The following EMC2 variants were observed in gnomAD, a reference collection of about 807,000 sequenced individuals.
EMC2 encodes TPR repeat protein 35.
Under a neutral mutation model 51.6 loss-of-function variants are expected in EMC2, and 37 were observed. That is an observed-to-expected ratio of 0.72 (90% confidence interval 0.55 to 0.94). EMC2 has a LOEUF of 0.94. Among genes scored for constraint, EMC2 ranks in the 40% least tolerant of loss-of-function variants. The probability of loss-of-function intolerance (pLI) is 0.00; values close to 1 mark genes in which losing one functional copy is unlikely to be tolerated. For missense variants in EMC2, 359 were observed against 350.9 expected (o/e 1.02, Z -0.18); for synonymous variants, 131 against 112.4 (o/e 1.17, Z -1.04).
chr8:108,467,379 C>A (rs754045183), intron 5 of EMC2, among the ~76,000 whole-genome samples: 3 of 151,240 alleles, frequency 2.0e-5, no homozygotes, highest in Non-Finnish European at 2.9e-5. Context: ...GACCGAGTCT[C>A]GCTCTGTCGC....
At chr8:108,474,420 AAC>A (rs1478405955) in intron 7 of EMC2, 1 of 151,974 alleles carries the variant, frequency 6.6e-6, no homozygotes, top group East Asian at 1.9e-4. Flanking sequence ...AGGTAGTCAT[AAC>A]ACATTTGTTT....
intron 1 of EMC2, 84 bp downstream of exon 1, chr8:108,443,782 G>A: frequency 8.2e-7 from 1 of 1,220,558 alleles, no homozygotes; most frequent in East Asian, 2.5e-5. Context: ...GGGGAGCTGG[G>A]TTCTCTGGTG....
In EMC2 at chr8:108,481,674, A is replaced by C. The variant is rs147704391; in HGVS notation, c.807+2564A>C. 2.0e-5 allele frequency among the ~76,000 whole-genome samples: 3 copies of C among 152,224 alleles called. No homozygotes were observed. In the East Asian group the frequency reaches 5.8e-4, roughly 29 times the overall value. On this transcript the variant is annotated intron_variant, in intron 10 of 10. Transcript: ENST00000220853. ...GCCTTTCAGTGACTAATATAAGGTA[A>C]ATGTATCCAGGCTAATAAATATAAA...
chr8:108,462,643 TATC>T (rs541027901), intron 5 of EMC2, among the ~76,000 whole-genome samples: 42 of 152,338 alleles, frequency 2.8e-4, no homozygotes, highest in African/African-American at 8.2e-4. Flanking sequence ...CGTGGTATAT[TATC>T]AGCTTTTTTC....
intron 7 of EMC2, chr8:108,471,005 A>G (rs1284716588): frequency 3.3e-5 from 5 of 152,008 alleles, no homozygotes; most frequent in East Asian, 1.9e-4. Flanking sequence ...GAGGTAGTCT[A>G]TTTGCATAAG....
rs187623392 is a variant in EMC2, at chr8:108,457,848, G to A, written c.363+1918G>A. On this transcript the variant is annotated intron_variant, in intron 5 of 10. Transcript: ENST00000220853. ...CAATCATGCCTTCCCAACAGTCTCC[G>A]AAAGTCTTAACTCATTTCAACATTA... Among the ~76,000 whole-genome samples the A allele has an allele frequency of 7.9e-5, 12 of 152,260 alleles. No individual in the cohort carries two copies. The East Asian group carries it at 1.7e-3, about 22-fold the overall frequency.
chr8:108,448,671 T>G (rs1818938147), intron 1 of EMC2, among the ~76,000 whole-genome samples: 1 of 152,196 alleles, frequency 6.6e-6, no homozygotes, highest in African/African-American at 2.4e-5. Flanking sequence ...CTCTTTCTTT[T>G]GTAAATTGCC....
rs780023538 is a variant in EMC2 at position 108,450,410 on chromosome 8, C to T, written c.155-18C>T. 2.0e-6 allele frequency: 3 copies of T among 1,513,812 alleles called. No homozygotes were observed. Among genetic ancestry groups the T allele is most frequent in the Non-Finnish European group, 2.7e-6 (3 of 1,092,894 alleles). The allele number at this position is 1,513,812 out of a possible 1,614,324, so 93.8% of individuals were successfully genotyped here. A position where few individuals can be genotyped will look rare whatever the true frequency, so the allele number is the denominator to read the frequency against. ...TTAATATTAAATTCAGTTTTTTTCC[C>T]CCTTTATGTGTATCTAGTTTGGATC... is the stretch of plus-strand genomic sequence containing the variant. On this transcript the variant is annotated intron_variant, in intron 2 of 10. Coordinates refer to ENST00000220853, the MANE Select transcript of EMC2 (RefSeq NM_014673.5).
chr8:108,456,950 A>T (rs1220086744), intron 5 of EMC2, among the ~76,000 whole-genome samples: 1 of 152,230 alleles, frequency 6.6e-6, no homozygotes, highest in Non-Finnish European at 1.5e-5. Context: ...TTGTATTAAC[A>T]CAATAAAGAT....
At chr8:108,476,939 T>A in intron 9 of EMC2, 47 bp downstream of exon 9, 1 of 917,842 alleles carries the variant, frequency 1.1e-6, no homozygotes, top group Non-Finnish European at 1.8e-6. Flanking sequence ...ATCTGTCACT[T>A]AAAATCCATT....
At chr8:108,478,457 ATCT>A (rs1473942234) in intron 9 of EMC2, among the ~76,000 whole-genome samples, 2 of 152,038 alleles carry the variant, frequency 1.3e-5, no homozygotes, top group South Asian at 2.1e-4. Context: ...AGAGATAAGG[ATCT>A]TCTTTATTTC....
intron 7 of EMC2, among the ~76,000 whole-genome samples, chr8:108,470,616 A>G (rs888670514): frequency 2.0e-5 from 3 of 152,086 alleles, no homozygotes; most frequent in South Asian, 4.1e-4. Context: ...ATAATCAAGA[A>G]TGTTGAATGC....
At chr8:108,484,544 A>G (rs991108150) in intron 10 of EMC2, among the ~76,000 whole-genome samples, 1 of 152,004 alleles carries the variant, frequency 6.6e-6, no homozygotes, top group South Asian at 2.1e-4. Flanking sequence ...AAAATACTGT[A>G]TTTAAAAATA....
intron 5 of EMC2, among the ~76,000 whole-genome samples, chr8:108,466,695 C>T (rs1184955553): frequency 6.6e-6 from 1 of 152,004 alleles, no homozygotes; most frequent in Non-Finnish European, 1.5e-5. Context: ...TTCAGATGAT[C>T]CTCCCGCTTT....
chr8:108,451,895 A>C (rs532659252), intron 3 of EMC2, among the ~76,000 whole-genome samples: 1 of 152,220 alleles, frequency 6.6e-6, no homozygotes, highest in South Asian at 2.1e-4. Flanking sequence ...AAATGAACAT[A>C]TCTTCACTTT....
chr8:108,471,400 A>G (rs143640361), intron 7 of EMC2, among the ~76,000 whole-genome samples: 165 of 152,008 alleles, frequency 1.1e-3, no homozygotes, highest in African/African-American at 3.9e-3. Context: ...CAAATCAACA[A>G]GGAAATTTTT....
At chr8:108,471,580 C>T (rs1412677498) in intron 7 of EMC2, among the ~76,000 whole-genome samples, 4 of 151,600 alleles carry the variant, frequency 2.6e-5, no homozygotes, top group Admixed American at 6.6e-5. Flanking sequence ...AATTATCTTC[C>T]GTAGTTTATA....
intron 5 of EMC2, among the ~76,000 whole-genome samples, chr8:108,459,897 T>C (rs1819272836): frequency 6.6e-6 from 1 of 152,212 alleles, no homozygotes; most frequent in Admixed American, 6.5e-5. Flanking sequence ...TAAGCTAATG[T>C]AGATACTGAG....
In EMC2 at chr8:108,475,903, T is replaced by G; in HGVS notation, c.531T>G (p.Cys177Trp). 6.3e-7 allele frequency: 1 copy of G among 1,599,692 alleles called. No homozygotes were observed. The highest frequency in any genetic ancestry group is 8.5e-7 in the Non-Finnish European group (1 of 1,172,120). ...NEHDYAKAAF[C>W]LEELMMTNPH... is the part of the protein sequence containing the mutation. ...TTAGCTATGCAAAAGCAGCCTTTTG[T>G]TTAGAGGAACTAATGATGACTAATC... Residue 177 changes from cysteine to tryptophan, a missense_variant, in exon 8 of 11, where the codon TGT becomes TGG. Cys to Trp is a radical substitution (Grantham distance 215, BLOSUM62 -2). Coordinates refer to ENST00000220853, the MANE Select transcript of EMC2 (RefSeq NM_014673.5).
Sources: gnomAD v4.1 joint callset for allele counts (sites outside exome capture counted in the v4.1 genomes callset) on GRCh38, gnomAD v4.1.1 for gene constraint, MANE v1.5 for transcripts, NCBI Gene and HGNC (gene_info 2026-07-23, HGNC 2026-07-21) for gene names.